The following FNIP1 variants were observed in gnomAD, a reference collection of about 807,000 sequenced individuals.
The protein encoded by FNIP1 is folliculin interacting protein 1.
A neutral mutation model predicts 124.5 loss-of-function variants in FNIP1; 40 were observed. That is an observed-to-expected ratio of 0.32 (90% confidence interval 0.25 to 0.42). The LOEUF is 0.42. Among genes scored for constraint, FNIP1 ranks in the 10% least tolerant of loss-of-function variants. FNIP1 has a pLI of 1.00. For synonymous variants in FNIP1, 472 were observed against 470.6 expected (o/e 1.00, Z -0.04); for missense variants, 1,176 against 1,403.7 (o/e 0.84, Z 2.59).
intron 15 of FNIP1, among the ~76,000 whole-genome samples, chr5:131,656,553 T>TAA (rs1168212934): frequency 6.6e-6 from 1 of 152,014 alleles, no homozygotes; most frequent in Non-Finnish European, 1.5e-5. Context: ...AAAAGGAGGG[T>TAA]AAAGGATCTA....
intron 11 of FNIP1, among the ~76,000 whole-genome samples, chr5:131,696,990 T>C (rs924643304): frequency 2.2e-4 from 33 of 152,162 alleles, no homozygotes; most frequent in Non-Finnish European, 2.4e-4. Flanking sequence ...TACCACTCTT[T>C]AGCTCAGTTT....
intron 13 of FNIP1, 125 bp from the exon 14 acceptor site, chr5:131,673,049 T>C (rs1767812734): frequency 2.9e-6 from 2 of 697,938 alleles, no homozygotes; most frequent in South Asian, 2.9e-5. Context: ...ACTCGTTTTT[T>C]TGTTTTTTTT....
rs201168513 is a variant in FNIP1, at chr5:131,773,096, G to A, written c.92+23734C>T. On this transcript the variant is annotated intron_variant, in intron 1 of 17. Coordinates refer to ENST00000510461, the MANE Select transcript of FNIP1 (RefSeq NM_133372.3). ...TCCTATGAGCATGCCTCAATTCTGA[G>A]TACCTCTTCCTTACTTCATCCAACC... Among the ~76,000 whole-genome samples the A allele has an allele frequency of 5.3e-5, 8 of 152,150 alleles. No individual in the cohort carries two copies. In the East Asian group the frequency reaches 1.5e-3, roughly 29 times the overall value.
At chr5:131,788,457 T>C (rs1772288941) in intron 1 of FNIP1, among the ~76,000 whole-genome samples, 1 of 152,124 alleles carries the variant, frequency 6.6e-6, no homozygotes, top group Non-Finnish European at 1.5e-5. Context: ...TCACCTGAGG[T>C]CAGGCGTTTG....
chr5:131,780,879 C>T (rs1359370167), intron 1 of FNIP1, among the ~76,000 whole-genome samples: 2 of 152,186 alleles, frequency 1.3e-5, no homozygotes, highest in African/African-American at 4.8e-5. Context: ...AAGAGTTGCA[C>T]ATCTCTCACT....
intron 11 of FNIP1, among the ~76,000 whole-genome samples, chr5:131,681,133 GC>G (rs1464609890): frequency 6.6e-6 from 1 of 152,172 alleles, no homozygotes; most frequent in Non-Finnish European, 1.5e-5. Flanking sequence ...CAGTTGAATG[GC>G]CCCGAGGAAT....
At chr5:131,693,297 C>G (rs1207580960) in intron 11 of FNIP1, among the ~76,000 whole-genome samples, 1 of 27,034 alleles carries the variant, frequency 3.7e-5, no homozygotes. Context: ...TAAATATATA[C>G]ATATATATAT....
In FNIP1 at chr5:131,646,941, T is replaced by C. The variant is rs192683725; in HGVS notation, c.3422+149A>G. ...TTAGTGGATGACAGGGAACCTGCTA[T>C]TACATGGTACAGGGCAACCTAAATG... On this transcript the variant is annotated intron_variant, in intron 17 of 17. Transcript: ENST00000510461. The C allele has an allele frequency of 6.7e-5, 42 of 630,018 alleles. No homozygotes were observed. In the African/African-American group the frequency reaches 7.4e-4, roughly 11 times the overall value. 39.0% of individuals were successfully genotyped at this position (630,018 alleles called of 1,614,324 possible).
At chr5:131,769,018 A>G (rs1243514198) in intron 1 of FNIP1, among the ~76,000 whole-genome samples, 1 of 152,162 alleles carries the variant, frequency 6.6e-6, no homozygotes, top group Non-Finnish European at 1.5e-5. Context: ...TCAATACACT[A>G]ATACAATGTC....
chr5:131,682,475 T>C (rs1429368399), intron 11 of FNIP1, among the ~76,000 whole-genome samples: 1 of 151,890 alleles, frequency 6.6e-6, no homozygotes, highest in Non-Finnish European at 1.5e-5. Context: ...TCCCAGCACT[T>C]TGGGAGGTCT....
At chr5:131,662,572 T>G (rs1047286854) in intron 15 of FNIP1, among the ~76,000 whole-genome samples, 15 of 152,134 alleles carry the variant, frequency 9.9e-5, no homozygotes, top group African/African-American at 3.6e-4. Flanking sequence ...CCCACAGTGG[T>G]GGGTGGCTTG....
chr5:131,752,104 C>T (rs915108146), intron 1 of FNIP1, among the ~76,000 whole-genome samples: 6 of 152,086 alleles, frequency 3.9e-5, no homozygotes, highest in South Asian at 4.2e-4. Flanking sequence ...AGTGCAGTGG[C>T]GCGATCTTGG....
Position 131,671,658 on chromosome 5 carries a change from G to C in FNIP1, c.2786C>G (p.Thr929Ser), listed in dbSNP as rs781508824. Reference sequence around the variant, plus strand: ...TTCATTTCTTGGAATGTCCCATTCAGTTCCTACAGCAATTTTTTTATCTGA... The same window carrying C: ...TTCATTTCTTGGAATGTCCCATTCACTTCCTACAGCAATTTTTTTATCTGA... ...ESSDKKIAVG[T>S]EWDIPRNESS... Residue 929 changes from threonine to serine, a missense_variant, in exon 14 of 18, where the codon ACT becomes AGT. Thr to Ser is a moderately conservative substitution (Grantham distance 58). This residue lies in a region of FNIP1 where 1,109 missense variants were observed against 1,288.5 expected (regional missense o/e 0.86). Transcript: ENST00000510461. 1.6e-4 allele frequency: 255 copies of C among 1,614,028 alleles called. 1 individual carries two copies. The highest frequency in any genetic ancestry group is 4.9e-4 in the Middle Eastern group (3 of 6,084).
chr5:131,724,070 T>C (rs1375496909), intron 3 of FNIP1, among the ~76,000 whole-genome samples: 2 of 152,204 alleles, frequency 1.3e-5, no homozygotes, highest in Non-Finnish European at 1.5e-5. Context: ...CAGTATTCCA[T>C]AGTGTATATG....
rs748028847 is a variant in FNIP1 at position 131,672,482 on chromosome 5, G to C, written c.1962C>G (p.Asp654Glu). ...CATCAACAGCATTTTCTTCTTGGCA[G>C]TCAGAAGGAGAAATCATCTGGCACT... ...SDECQMISPS[D>E]CQEENAVDVK... The change falls in exon 14 of 18, where the codon GAC (aspartate) becomes GAG (glutamate). Residue 654 changes from aspartate to glutamate, a missense_variant. By Grantham distance (45) the Asp-to-Glu change is conservative. Around this residue, in one of 2 missense-constraint regions of FNIP1, gnomAD observed 1,109 missense variants for 1,288.5 expected, o/e 0.86. Coordinates refer to ENST00000510461, the MANE Select transcript of FNIP1 (RefSeq NM_133372.3). 1 of 1,613,458 alleles carries C rather than the reference G, an allele frequency of 6.2e-7. No individual in the cohort carries two copies. Among genetic ancestry groups the C allele is most frequent in the African/African-American group, 1.3e-5 (1 of 75,062 alleles).
chr5:131,774,419 TA>T (rs1256972364), intron 1 of FNIP1, among the ~76,000 whole-genome samples: 5 of 152,204 alleles, frequency 3.3e-5, no homozygotes, highest in African/African-American at 4.8e-5. Context: ...ATGTTACCTC[TA>T]AAAAAGTAAC....
At chr5:131,658,242 C>G (rs1767270478) in intron 15 of FNIP1, among the ~76,000 whole-genome samples, 1 of 152,066 alleles carries the variant, frequency 6.6e-6, no homozygotes, top group Admixed American at 6.6e-5. Flanking sequence ...TCATATTATT[C>G]AAGACTGATT....
chr5:131,649,170 G>A (rs770887336), intron 16 of FNIP1, among the ~76,000 whole-genome samples: 1 of 152,086 alleles, frequency 6.6e-6, no homozygotes, highest in South Asian at 2.1e-4. Flanking sequence ...GAGTATAAAC[G>A]CAGAAGTGGA....
rs1767954504 is a variant in FNIP1, at chr5:131,677,796, G to C, written c.1426C>G (p.Pro476Ala). 1 of 1,613,972 alleles carries C rather than the reference G, an allele frequency of 6.2e-7. No individual in the cohort carries two copies. The highest frequency in any genetic ancestry group is 1.3e-5 in the African/African-American group (1 of 74,914). The stretch of plus-strand genomic sequence containing the variant: ...TTTTCTAAAAATATTTTTATAGGTG[G>C]TTGTCCATTTGGCATGACTGTTGGA... ...WVPTVMPNGQ[P>A]PIKIFLEKHS... The change falls in exon 13 of 18, where the codon CCA (proline) becomes GCA (alanine). Residue 476 changes from proline (P) to alanine (A), a missense_variant. By Grantham distance (27) the Pro-to-Ala change is conservative. Transcript: ENST00000510461.
Sources: allele counts gnomAD v4.1 joint callset (sites outside exome capture counted in the v4.1 genomes callset), GRCh38; gene constraint gnomAD v4.1.1; regional missense constraint gnomAD v4.1.1; transcripts MANE v1.5; gene names NCBI Gene and HGNC (gene_info 2026-07-23, HGNC 2026-07-21).